The following CAMTA1 variants were observed in gnomAD, a reference collection of about 807,000 sequenced individuals.
CAMTA1 encodes the protein calmodulin-binding transcription activator 1.
In CAMTA1, 27 loss-of-function variants were observed where a neutral mutation model predicts 170.9. That is an observed-to-expected ratio of 0.16 (90% CI 0.12 to 0.22). CAMTA1 has a LOEUF of 0.22. Ranked by LOEUF, CAMTA1 falls within the 10% of genes least tolerant of loss-of-function variation. CAMTA1 has a pLI of 1.00. For missense variants in CAMTA1, 1,619 were observed against 2,217.2 expected, an observed-to-expected ratio of 0.73 and a Z score of 5.42; for synonymous variants, 833 against 891.5, an observed-to-expected ratio of 0.93 and a Z score of 1.17.
chr1:7,626,839 AGAG>A (rs1558022386), intron 6 of CAMTA1, among the ~76,000 whole-genome samples: 1 of 152,180 alleles, frequency 6.6e-6, no homozygotes, highest in Non-Finnish European at 1.5e-5. Flanking sequence ...CTCTGTTCCA[AGAG>A]GAGTAAACAG....
At chr1:7,473,665 G>A (rs561352219) in intron 6 of CAMTA1, among the ~76,000 whole-genome samples, 40 of 152,334 alleles carry the variant, frequency 2.6e-4, no homozygotes, top group Non-Finnish European at 4.4e-4. Context: ...CTTTTCAGAG[G>A]GACAGGCCCT....
In CAMTA1 at chr1:7,534,812, G is replaced by A. The variant is rs968027858; in HGVS notation, c.510+66911G>A. On this transcript the variant is annotated intron_variant, in intron 6 of 22. Coordinates refer to ENST00000303635, the MANE Select transcript of CAMTA1 (RefSeq NM_015215.4). The surrounding 1 kb of genome is among the most constrained non-coding windows in gnomAD (Gnocchi z 5.6). ...TCCTCAACTTTAGAGAAAGGCCAGC[G>A]AAAGTGAGGTTTATGGCTTGTCCCT... 5.9e-5 allele frequency among the ~76,000 whole-genome samples: 9 copies of A among 152,236 alleles called. No individual in the cohort carries two copies. Among genetic ancestry groups the A allele is most frequent in the Admixed American group, 2.0e-4 (3 of 15,284 alleles).
At chr1:7,130,681 G>A (rs972604193) in intron 4 of CAMTA1, among the ~76,000 whole-genome samples, 4 of 152,048 alleles carry the variant, frequency 2.6e-5, no homozygotes, top group South Asian at 4.2e-4. Context: ...ATGTGTGGAC[G>A]CATCTCTAAT....
chr1:7,613,739 C>T lies in CAMTA1; in HGVS notation c.511-26661C>T, dbSNP rs1432546437. Among the ~76,000 whole-genome samples the T allele has an allele frequency of 2.4e-5, 3 of 126,392 alleles. No homozygotes were observed. The Admixed American group carries it at 2.4e-4, about 10-fold the overall frequency. The allele number at this position is 126,392 out of a possible 152,430, so 82.9% of individuals were successfully genotyped here. A position where few individuals can be genotyped will look rare whatever the true frequency, so the allele number is the denominator to read the frequency against. On this transcript the variant is annotated intron_variant, in intron 6 of 22. Coordinates refer to ENST00000303635, the MANE Select transcript of CAMTA1 (RefSeq NM_015215.4). ...GAGCGATGGCGGGGGCGGGGCAGGC[C>T]GGACCCGGAGGAGTAGGGGGAGCAG...
At position 6,803,336 on chromosome 1, in the gene CAMTA1, C is replaced by T. The variant is rs368690408; in HGVS notation, c.46-16845C>T. 1.3e-3 allele frequency among the ~76,000 whole-genome samples: 205 copies of T among 152,326 alleles called. 5 individuals carry two copies. The South Asian group carries it at 0.037, about 27-fold the overall frequency. ...AACAAGCGGGGAAGAAAACAGAAAA[C>T]AGCCTCTCTTTAAGTGTATGTGGCT... On this transcript the variant is annotated intron_variant, in intron 1 of 22. Transcript: ENST00000303635.
chr1:7,677,977 G>A (rs1403490849), intron 11 of CAMTA1, among the ~76,000 whole-genome samples: 1 of 152,252 alleles, frequency 6.6e-6, no homozygotes, highest in East Asian at 1.9e-4. Flanking sequence ...AGACTGAAAA[G>A]TATGTGAGTG....
At chr1:6,901,573 CATCTT>C (rs986460209) in intron 3 of CAMTA1, among the ~76,000 whole-genome samples, 2 of 152,184 alleles carry the variant, frequency 1.3e-5, no homozygotes, top group Non-Finnish European at 2.9e-5. Flanking sequence ...GTTCTCTAGA[CATCTT>C]AGGATACACA....
At chr1:7,420,251 C>G (rs1325128031) in intron 5 of CAMTA1, among the ~76,000 whole-genome samples, 3 of 151,894 alleles carry the variant, frequency 2.0e-5, no homozygotes, top group Non-Finnish European at 2.9e-5. Context: ...CCCACCTCTC[C>G]CCTCTGTCTG....
chr1:7,729,793 G>A lies in CAMTA1; in HGVS notation c.2915-2655G>A, dbSNP rs911751054. On this transcript the variant is annotated intron_variant, in intron 11 of 22. Transcript: ENST00000303635. ...GTTAATATCTGCACAGTGACGCAGT[G>A]GTGCCTGGTGTGCAGGAAGCATTCT... Among the ~76,000 whole-genome samples, 6 of 152,332 alleles carry A rather than the reference G, an allele frequency of 3.9e-5. No homozygotes were observed. In the South Asian group the frequency reaches 8.3e-4, roughly 21 times the overall value.
intron 3 of CAMTA1, among the ~76,000 whole-genome samples, chr1:6,877,689 C>T (rs1670319198): frequency 6.6e-6 from 1 of 152,212 alleles, no homozygotes; most frequent in Non-Finnish European, 1.5e-5. Flanking sequence ...CAGACTGTCA[C>T]ATACGCTGGC....
intron 3 of CAMTA1, among the ~76,000 whole-genome samples, chr1:6,987,915 G>A (rs1175345380): frequency 6.6e-6 from 1 of 152,046 alleles, no homozygotes; most frequent in African/African-American, 2.4e-5. Context: ...AGCAAGAGCC[G>A]GCGTCTGTCA....
chr1:7,593,797 A>G (rs116728553), intron 6 of CAMTA1, among the ~76,000 whole-genome samples: 258 of 144,084 alleles, frequency 1.8e-3, no homozygotes, highest in African/African-American at 6.1e-3. Context: ...GGCCCCTAAC[A>G]CTAGGAGGCC....
intron 6 of CAMTA1, among the ~76,000 whole-genome samples, chr1:7,505,395 G>T (rs2094087559): frequency 6.6e-6 from 1 of 152,154 alleles, no homozygotes; most frequent in Admixed American, 6.5e-5. Context: ...TAGTGCAAAA[G>T]AAAAACAGTC....
chr1:7,232,822 A>G (rs1475754186), intron 4 of CAMTA1, among the ~76,000 whole-genome samples: 1 of 152,178 alleles, frequency 6.6e-6, no homozygotes, highest in Non-Finnish European at 1.5e-5. Flanking sequence ...TTTTCATCCG[A>G]ATGGCTCCAT....
At chr1:7,189,775 A>G (rs1358915666) in intron 4 of CAMTA1, among the ~76,000 whole-genome samples, 4 of 152,234 alleles carry the variant, frequency 2.6e-5, no homozygotes, top group African/African-American at 9.6e-5. Flanking sequence ...CAGCAGTCCC[A>G]CTACTGGGTA....
rs183949100 is a variant in CAMTA1, at chr1:7,506,567, C to A, written c.510+38666C>A. ...ATGTACACATGCTCACAAGCTCACT[C>A]AAAATTCACACGCACACTCACACGC... On this transcript the variant is annotated intron_variant, in intron 6 of 22. Coordinates refer to ENST00000303635, the MANE Select transcript of CAMTA1 (RefSeq NM_015215.4). Among the ~76,000 whole-genome samples, 11 of 152,206 alleles carry A rather than the reference C, an allele frequency of 7.2e-5. No homozygotes were observed. In the East Asian group the frequency reaches 2.1e-3, roughly 29 times the overall value.
In CAMTA1 at chr1:6,934,543, C is replaced by T. The variant is rs190061255; in HGVS notation, c.234+109333C>T. On this transcript the variant is annotated intron_variant, in intron 3 of 22. Transcript: ENST00000303635. This position sits in a 1 kb window ranked among gnomAD's most constrained non-coding sequence, Gnocchi z 4.5. Reference sequence around the variant, plus strand: ...AAAAGGAACTTGGCCACTGTGGACCCGCTTGGGCTAGCTGCGTGTCTCTGT... The same window carrying T: ...AAAAGGAACTTGGCCACTGTGGACCTGCTTGGGCTAGCTGCGTGTCTCTGT... 1.4e-3 allele frequency among the ~76,000 whole-genome samples: 208 copies of T among 152,226 alleles called. 1 individual carries two copies. The highest frequency in any genetic ancestry group is 3.9e-3 in the Admixed American group (59 of 15,290).
At chr1:7,533,566 G>T (rs1044815195) in intron 6 of CAMTA1, among the ~76,000 whole-genome samples, 5 of 152,186 alleles carry the variant, frequency 3.3e-5, no homozygotes, top group African/African-American at 1.2e-4. Context: ...AGAGGCTGGG[G>T]GTGTGGACAG....
intron 4 of CAMTA1, among the ~76,000 whole-genome samples, chr1:7,233,875 G>A (rs921468210): frequency 3.3e-5 from 5 of 152,090 alleles, no homozygotes; most frequent in Non-Finnish European, 7.4e-5. Context: ...TCAAGGGGCC[G>A]GGGAGGTGGG....
Sources: gnomAD v4.1 joint callset for allele counts (sites outside exome capture counted in the v4.1 genomes callset) on GRCh38, gnomAD v4.1.1 for gene constraint, Gnocchi (gnomAD v3.1) non-coding constraint, MANE v1.5 for transcripts, NCBI Gene and HGNC (gene_info 2026-07-23, HGNC 2026-07-21) for gene names.